The following MPG variants were observed in gnomAD, a reference collection of about 807,000 sequenced individuals.
MPG encodes N-methylpurine DNA glycosylase, also known as DNA-3-methyladenine glycosylase.
A neutral mutation model predicts 31.7 loss-of-function variants in MPG; 33 were observed. The ratio of observed to expected loss-of-function variants is 1.04; its 90% confidence interval spans 0.79 to 1.39. The LOEUF is 1.39. Among genes scored for constraint, MPG ranks in the 40% most tolerant of loss-of-function variants. The pLI, the probability that MPG is intolerant of heterozygous loss-of-function variation, is 0.00. For missense variants in MPG, 455 were observed against 415.5 expected, an observed-to-expected ratio of 1.10 and a Z score of -0.83; for synonymous variants, 202 against 169.2, an observed-to-expected ratio of 1.19 and a Z score of -1.51.
Position 83,095 on chromosome 16 carries a change from G to C in MPG, c.344G>C (p.Arg115Pro). Reference protein sequence around the residue: ...RLPNGTELRGRIVETEAYLGP... With the variant: ...RLPNGTELRGPIVETEAYLGP... ...CCTAATGGCACAGAACTCCGAGGCC[G>C]CATCGTGGAGACCGAGGCATACCTG... The change falls in exon 3 of 4, where the codon CGC becomes CCC. Residue 115 changes from arginine (R) to proline (P), a missense_variant. Coordinates refer to ENST00000356432, the MANE Select transcript of MPG (RefSeq NM_001015052.3). The C allele has an allele frequency of 6.2e-7, 1 of 1,611,642 alleles. No homozygotes were observed. The highest frequency in any genetic ancestry group is 8.5e-7 in the Non-Finnish European group (1 of 1,178,984).
upstream of MPG, chr16:78,188 G>A (rs970172816): frequency 1.1e-5 from 10 of 938,872 alleles, no homozygotes; most frequent in Admixed American, 2.8e-4. Context: ...CCTTCTCCCG[G>A]CTTCCGTCCC....
rs753354453 is a variant in MPG at position 85,748 on chromosome 16, A to C, written c.853A>C (p.Arg285=). Residue 285 remains arginine (R), a synonymous_variant, in exon 4 of 4, where the codon AGA becomes CGA. Coordinates refer to ENST00000356432, the MANE Select transcript of MPG (RefSeq NM_001015052.3). The stretch of plus-strand genomic sequence containing the variant: ...CAGCCCCTGGGTCAGTGTGGTCGAC[A>C]GAGTGGCTGAGCAGGACACACAGGC... ...RGSPWVSVVD[R]VAEQDTQA is the part of the protein sequence containing the mutation. The C allele has an allele frequency of 6.6e-7, 1 of 1,513,334 alleles. No individual in the cohort carries two copies. The highest frequency in any genetic ancestry group is 1.3e-5 in the South Asian group (1 of 75,368). The allele number at this position is 1,513,334 out of a possible 1,614,324, so 93.7% of individuals were successfully genotyped here.
At position 85,405 on chromosome 16, in the gene MPG, C is replaced by T. The variant is rs751887856; in HGVS notation, c.510C>T (p.Asp170=). Residue 170 remains aspartate, a synonymous_variant, in exon 4 of 4, where the codon GAC becomes GAT. Transcript: ENST00000356432. The part of the protein sequence containing the change: ...YFCMNISSQG[D]GACVLLRALE... ...TCCAAACTGTCCGTCCCACAGGGGA[C>T]GGGGCTTGCGTCTTGCTGCGAGCAC... 39 of 1,602,528 alleles carry T rather than the reference C, an allele frequency of 2.4e-5. No individual in the cohort carries two copies. The highest frequency in any genetic ancestry group is 2.7e-5 in the African/African-American group (2 of 74,706).
intron 1 of MPG, 44 bp downstream of exon 1, chr16:78,377 C>T (rs1898148863): frequency 3.4e-6 from 4 of 1,191,784 alleles, no homozygotes; most frequent in Non-Finnish European, 4.2e-6. Flanking sequence ...ACGCGCCCAC[C>T]CCCAGGCGCA....
Position 78,260 on chromosome 16 carries a change from G to A in MPG, c.-50G>A. On this transcript the variant is annotated 5_prime_UTR_variant, in exon 1 of 4. Coordinates refer to ENST00000356432, the MANE Select transcript of MPG (RefSeq NM_001015052.3). ...GTGCTTCCGTGGTCGGCGGCTGCTG[G>A]GCTCCGCGCCGGGGTCCGAGTCCCA... The A allele has an allele frequency of 1.5e-6, 2 of 1,369,368 alleles. No homozygotes were observed. Among genetic ancestry groups the A allele is most frequent in the Non-Finnish European group, 1.9e-6 (2 of 1,057,426 alleles). 84.8% of individuals were successfully genotyped at this position (1,369,368 alleles called of 1,614,324 possible).
rs3176407 is a variant in MPG at position 80,893 on chromosome 16, C to T, written c.300+1193C>T. On this transcript the variant is annotated intron_variant, in intron 2 of 3. Transcript: ENST00000356432. ...GTGCGTCGTAGGAACAGGGCAAGGG[C>T]GCAGCATGGCATCAGGGACCACAAT... Among the ~76,000 whole-genome samples, 1,116 of 152,334 alleles carry T rather than the reference C, an allele frequency of 7.3e-3. 10 individuals are homozygous for T. Among genetic ancestry groups the T allele is most frequent in the African/African-American group, 0.025 (1,038 of 41,558 alleles).
At chr16:77,801 ACCCCACC>A (rs1267085279), upstream of MPG, among the ~76,000 whole-genome samples, 1 of 151,588 alleles carries the variant, frequency 6.6e-6, no homozygotes, top group Non-Finnish European at 1.5e-5. Context: ...CTCCGCTGGC[ACCCCACC>A]GGAAAACACG....
In MPG at chr16:85,653, C is replaced by A; in HGVS notation, c.758C>A (p.Ala253Glu). 1 of 1,588,820 alleles carries A rather than the reference C, an allele frequency of 6.3e-7. No individual in the cohort carries two copies. ...PLEPSEPAVV[A>E]AARVGVGHAG... ...GAGCCCAGTGAGCCGGCTGTAGTGGCAGCAGCCCGGGTGGGCGTCGGCCAT... is the reference window on the plus strand; with the variant it reads ...GAGCCCAGTGAGCCGGCTGTAGTGGAAGCAGCCCGGGTGGGCGTCGGCCAT... Residue 253 changes from alanine to glutamate, a missense_variant, in exon 4 of 4, where the codon GCA becomes GAA. Ala to Glu is a moderately radical substitution (Grantham distance 107). Coordinates refer to ENST00000356432, the MANE Select transcript of MPG (RefSeq NM_001015052.3).
Position 83,565 on chromosome 16 carries a change from ACT to A in MPG, c.505+312_505+313del, listed in dbSNP as rs552291733. 7.5e-5 allele frequency: 20 copies of A among 267,330 alleles called. No homozygotes were observed. In the South Asian group the frequency reaches 1.1e-3, roughly 15 times the overall value. The allele number at this position is 267,330 out of a possible 1,614,324, so 16.6% of individuals were successfully genotyped here. On this transcript the variant is annotated intron_variant, in intron 3 of 3. Transcript: ENST00000356432. ...ACACCAGCCTGGCCAACACGGTGAAACTCTGTCTCTACCAAAAATACAAAAAT... is the reference window on the plus strand; with the variant it reads ...ACACCAGCCTGGCCAACACGGTGAAACTGTCTCTACCAAAAATACAAAAAT...
In MPG at chr16:82,196, C is replaced by CCG. The variant is rs112263729; in HGVS notation, c.301-856_301-855insCG. Reference sequence around the variant, plus strand: ...CCGGGAAGCCCTCCTGAATGCTCCCCGCGCTGACCCCTTCTTCCCACCACC... The same window carrying CCG: ...CCGGGAAGCCCTCCTGAATGCTCCCCCGGCGCTGACCCCTTCTTCCCACCACC... On this transcript the variant is annotated intron_variant, in intron 2 of 3. Coordinates refer to ENST00000356432, the MANE Select transcript of MPG (RefSeq NM_001015052.3). 1.3e-3 allele frequency among the ~76,000 whole-genome samples: 120 copies of CCG among 92,096 alleles called. 10 individuals carry two copies. The highest frequency in any genetic ancestry group is 7.3e-3 in the East Asian group (17 of 2,316). 60.4% of individuals were successfully genotyped at this position (92,096 alleles called of 152,430 possible).
chr16:78,330 C>A lies in MPG; in HGVS notation c.21C>A (p.Ala7=). The A allele has an allele frequency of 1.6e-6, 2 of 1,278,772 alleles. No homozygotes were observed. Among genetic ancestry groups the A allele is most frequent in the Admixed American group, 3.9e-5 (1 of 25,376 alleles). The allele number at this position is 1,278,772 out of a possible 1,614,324, so 79.2% of individuals were successfully genotyped here. MPARSG[A]QFCRRMGQKK... The stretch of plus-strand genomic sequence containing the variant: ...GCCGGATGCCCGCGCGCAGCGGGGC[C>A]CAGGTGAGCGCGCGCCTCGGCCGCC... Residue 7 remains alanine, a synonymous_variant, in exon 1 of 4, where the codon GCC becomes GCA. Transcript: ENST00000356432.
intron 2 of MPG, among the ~76,000 whole-genome samples, chr16:82,722 G>T (rs1010297853): frequency 2.0e-5 from 3 of 152,230 alleles, no homozygotes; most frequent in Admixed American, 2.0e-4. Flanking sequence ...GGAGGAATCT[G>T]GGGAATGGAG....
chr16:81,566 C>A (rs2858045), intron 2 of MPG, among the ~76,000 whole-genome samples: 122,345 of 136,448 alleles, frequency 0.9, 55,063 homozygotes, highest in African/African-American at 0.97. Context: ...GGCTTCCCGC[C>A]CAGGCACTGA....
At chr16:77,236 G>C (rs1450707040), upstream of MPG, 4 of 152,330 alleles carry the variant, frequency 2.6e-5, no homozygotes, top group African/African-American at 9.7e-5. Context: ...TGCCACAGTG[G>C]AGGGGCCCTG....
chr16:82,707 G>A (rs901398838), intron 2 of MPG, among the ~76,000 whole-genome samples: 1 of 152,212 alleles, frequency 6.6e-6, no homozygotes, highest in African/African-American at 2.4e-5. Context: ...AGGGCACTTG[G>A]GAAAGGAGGA....
At position 85,303 on chromosome 16, in the gene MPG, G is replaced by A. The variant is rs1008006348; in HGVS notation, c.506-98G>A. On this transcript the variant is annotated intron_variant, in intron 3 of 3. Coordinates refer to ENST00000356432, the MANE Select transcript of MPG (RefSeq NM_001015052.3). ...GGTCCCTGGCCCAGGCAGGAAGGCA[G>A]CTGCACCCTCCCTGCAGCACAGGAT... 28 of 1,429,220 alleles carry A rather than the reference G, an allele frequency of 2.0e-5. No homozygotes were observed. The African/African-American group carries it at 3.8e-4, about 20-fold the overall frequency. The allele number at this position is 1,429,220 out of a possible 1,614,324, so 88.5% of individuals were successfully genotyped here.
chr16:84,787 C>G (rs1898374032), intron 3 of MPG, among the ~76,000 whole-genome samples: 1 of 152,204 alleles, frequency 6.6e-6, no homozygotes. Flanking sequence ...GTGTTGCAGT[C>G]AGTCCTTCCA....
At position 83,180 on chromosome 16, in the gene MPG, C is replaced by T. The variant is rs1276836691; in HGVS notation, c.429C>T (p.Gly143=). The T allele has an allele frequency of 6.2e-7, 1 of 1,613,156 alleles. No individual in the cohort carries two copies. The highest frequency in any genetic ancestry group is 8.5e-7 in the Non-Finnish European group (1 of 1,179,986). ...RGGRQTPRNR[G]MFMKPGTLYV... The stretch of plus-strand genomic sequence containing the variant: ...GCCGGCAGACCCCCCGCAACCGAGG[C>T]ATGTTCATGAAGCCGGGGACCCTGT... The change falls in exon 3 of 4, where the codon GGC becomes GGT. Residue 143 remains glycine (G), a synonymous_variant. Coordinates refer to ENST00000356432, the MANE Select transcript of MPG (RefSeq NM_001015052.3).
intron 2 of MPG, among the ~76,000 whole-genome samples, 197 bp from the exon 3 acceptor site, chr16:82,855 C>T (rs1256256993): frequency 6.6e-6 from 1 of 152,122 alleles, no homozygotes; most frequent in African/African-American, 2.4e-5. Context: ...CTGGAGGAGA[C>T]AACTGGTGCC....
Sources: allele counts gnomAD v4.1 joint callset (sites outside exome capture counted in the v4.1 genomes callset), GRCh38; gene constraint gnomAD v4.1.1; transcripts MANE v1.5; gene names NCBI Gene and HGNC (gene_info 2026-07-23, HGNC 2026-07-21).